The following HMSD variants were observed in gnomAD, a reference collection of about 807,000 sequenced individuals.
HMSD encodes the protein histocompatibility minor serpin domain containing.
A neutral mutation model predicts 10.0 loss-of-function variants in HMSD; 13 were observed. That is an observed-to-expected ratio of 1.31 (90% CI 0.85 to 2.08). The LOEUF (loss-of-function observed/expected upper bound fraction) is 2.08, where lower values mean the gene tolerates loss of function less well. Ranked by LOEUF, HMSD falls within the 30% of genes most tolerant of loss-of-function variation. The pLI, the probability that HMSD is intolerant of heterozygous loss-of-function variation, is 0.00. For synonymous variants in HMSD, 51 were observed against 54.2 expected, an observed-to-expected ratio of 0.94 and a Z score of 0.26; for missense variants, 169 against 166.3, an observed-to-expected ratio of 1.02 and a Z score of -0.09.
chr18:63,963,081 C>CT (rs56351725), downstream of HMSD, among the ~76,000 whole-genome samples: 260 of 78,500 alleles, frequency 3.3e-3, no homozygotes, highest in African/African-American at 0.012. Context: ...CTCTTTCTTT[C>CT]TTTCTTTCTT....
chr18:63,963,518 G>T (rs1442983006), downstream of HMSD, among the ~76,000 whole-genome samples: 1 of 152,094 alleles, frequency 6.6e-6, no homozygotes, highest in African/African-American at 2.4e-5. Context: ...ATGAGCCACC[G>T]CACCAGGCCG....
At chr18:63,963,071 C>CTCTT (rs58573319), downstream of HMSD, among the ~76,000 whole-genome samples, 2,168 of 104,970 alleles carry the variant, frequency 0.021, 47 homozygotes, top group East Asian at 0.026. Context: ...TCTTTTCTTT[C>CTCTT]TCTTTCTTTC....
chr18:63,952,789 C>T (rs1257287648), intron 1 of HMSD, among the ~76,000 whole-genome samples: 2 of 152,014 alleles, frequency 1.3e-5, no homozygotes, highest in Non-Finnish European at 2.9e-5. Context: ...TTTTCTTTTT[C>T]CTACCCTTCC....
rs780996189 is a variant in HMSD at position 63,953,446 on chromosome 18, T to A, written c.-10T>A. ...GGGGAAAACAACTCAAACAACTTATTTTTTTCCCCATGAGCATATCATCAG... is the reference window on the plus strand; with the variant it reads ...GGGGAAAACAACTCAAACAACTTATATTTTTCCCCATGAGCATATCATCAG... On this transcript the variant is annotated 5_prime_UTR_variant, in exon 2 of 4. Coordinates refer to ENST00000408945, the MANE Select transcript of HMSD (RefSeq NM_001123366.2). 6.2e-7 allele frequency: 1 copy of A among 1,612,828 alleles called. No homozygotes were observed. The highest frequency in any genetic ancestry group is 1.1e-5 in the South Asian group (1 of 90,954).
chr18:63,951,130 G>C (rs1488211580), intron 1 of HMSD, among the ~76,000 whole-genome samples: 2 of 152,126 alleles, frequency 1.3e-5, no homozygotes, highest in East Asian at 3.8e-4. Context: ...GATTTATTCA[G>C]TTTATTATTG....
At chr18:63,949,862 AC>A (rs2050320088) in intron 1 of HMSD, among the ~76,000 whole-genome samples, 1 of 152,180 alleles carries the variant, frequency 6.6e-6, no homozygotes, top group African/African-American at 2.4e-5. Context: ...CAGAATTTGT[AC>A]TTGACATTCC....
At chr18:63,959,048 G>A (rs1323636973) in intron 3 of HMSD, among the ~76,000 whole-genome samples, 1 of 152,106 alleles carries the variant, frequency 6.6e-6, no homozygotes, top group African/African-American at 2.4e-5. Context: ...CAGAAAAATT[G>A]AGCAAAAGGT....
intron 3 of HMSD, 44 bp downstream of exon 3, chr18:63,954,601 G>A (rs1415125292): frequency 3.9e-6 from 6 of 1,550,790 alleles, no homozygotes; most frequent in Admixed American, 1.7e-5. Flanking sequence ...TAGCAATGTG[G>A]TGGGAAGTAG....
chr18:63,960,470 T>A lies in HMSD; in HGVS notation c.*115T>A. ...TAGCTTTTCCCTTATCAAGTATCTG[T>A]GATGTCTCTCTAGATGAAATAATCT... On this transcript the variant is annotated 3_prime_UTR_variant, in exon 4 of 4. Coordinates refer to ENST00000408945, the MANE Select transcript of HMSD (RefSeq NM_001123366.2). 7 of 1,390,828 alleles carry A rather than the reference T, an allele frequency of 5.0e-6. No homozygotes were observed. The highest frequency in any genetic ancestry group is 6.6e-6 in the Non-Finnish European group (7 of 1,055,540). The allele number at this position is 1,390,828 out of a possible 1,614,324, so 86.2% of individuals were successfully genotyped here. A position where few individuals can be genotyped will look rare whatever the true frequency, so the allele number is the denominator to read the frequency against.
chr18:63,957,472 A>G (rs535141303), intron 3 of HMSD, among the ~76,000 whole-genome samples: 2 of 152,260 alleles, frequency 1.3e-5, no homozygotes, highest in African/African-American at 4.8e-5. Context: ...TTATTTTTGT[A>G]GAGGATATCT....
chr18:63,954,598 G>C (rs139861303), intron 3 of HMSD, 41 bp downstream of exon 3: 4 of 1,556,594 alleles, frequency 2.6e-6, no homozygotes, highest in Non-Finnish European at 3.5e-6. Flanking sequence ...AGATAGCAAT[G>C]TGGTGGGAAG....
intron 3 of HMSD, among the ~76,000 whole-genome samples, chr18:63,967,654 G>A (rs1568262488): frequency 6.6e-6 from 1 of 152,158 alleles, no homozygotes; most frequent in Non-Finnish European, 1.5e-5. Flanking sequence ...GACAAAACTA[G>A]GTCAAGGTTG....
chr18:63,963,176 C>A (rs2050397035), downstream of HMSD, among the ~76,000 whole-genome samples: 1 of 146,202 alleles, frequency 6.8e-6, no homozygotes, highest in Non-Finnish European at 1.5e-5. Context: ...CTCTCTCTCC[C>A]TTCCTTCCTT....
downstream of HMSD, among the ~76,000 whole-genome samples, chr18:63,962,145 A>G (rs780864325): frequency 6.6e-6 from 1 of 152,226 alleles, no homozygotes; most frequent in African/African-American, 2.4e-5. Context: ...CATTTTGCAT[A>G]GATTATTTAA....
At chr18:63,952,865 G>T (rs35907670) in intron 1 of HMSD, among the ~76,000 whole-genome samples, 3 of 151,988 alleles carry the variant, frequency 2.0e-5, no homozygotes, top group South Asian at 4.2e-4. Flanking sequence ...GAAAATATTG[G>T]TGTCCCAATT....
chr18:63,953,465 T>C lies in HMSD; in HGVS notation c.10T>C (p.Ser4Pro). MSI[S>P]SALAMVFMGA... ...ACTTATTTTTTTCCCCATGAGCATA[T>C]CATCAGCCTTGGCCATGGTTTTCAT... Residue 4 changes from serine (S) to proline (P), a missense_variant, in exon 2 of 4, where the codon TCA becomes CCA. Coordinates refer to ENST00000408945, the MANE Select transcript of HMSD (RefSeq NM_001123366.2). 1 of 1,613,882 alleles carries C rather than the reference T, an allele frequency of 6.2e-7. No homozygotes were observed. Among genetic ancestry groups the C allele is most frequent in the South Asian group, 1.1e-5 (1 of 91,066 alleles).
At chr18:63,950,442 A>AAAAAAAG (rs2050324024) in intron 1 of HMSD, among the ~76,000 whole-genome samples, 1 of 147,984 alleles carries the variant, frequency 6.8e-6, no homozygotes, top group African/African-American at 2.5e-5. Context: ...AAAAAAAAAA[A>AAAAAAAG]TGTAAGATGA....
intron 3 of HMSD, among the ~76,000 whole-genome samples, chr18:63,956,452 A>G (rs2050358999): frequency 2.0e-5 from 3 of 152,222 alleles, no homozygotes; most frequent in African/African-American, 7.2e-5. Context: ...AAAAGATGAC[A>G]TATGCGTGGC....
downstream of HMSD, among the ~76,000 whole-genome samples, chr18:63,963,122 TTTCTTTCTTTCC>T (rs1274709445): frequency 1.2e-4 from 16 of 132,006 alleles, no homozygotes; most frequent in African/African-American, 3.6e-4. Context: ...TCTTTCTTTC[TTTCTTTCTTTCC>T]TTTCTTTCTT....
Sources: gnomAD v4.1 joint callset for allele counts (sites outside exome capture counted in the v4.1 genomes callset) on GRCh38, gnomAD v4.1.1 for gene constraint, MANE v1.5 for transcripts, NCBI Gene and HGNC (gene_info 2026-07-23, HGNC 2026-07-21) for gene names.